FNDC3B: variants seen among roughly 807,000 people sequenced by gnomAD.
FNDC3B encodes the protein fibronectin type III domain-containing protein 3B.
Under a neutral mutation model 151.5 loss-of-function variants are expected in FNDC3B, and 12 were observed. The observed-to-expected ratio is 0.08, with a 90% CI of 0.05 to 0.13. The LOEUF (loss-of-function observed/expected upper bound fraction) is 0.13, where lower values mean the gene tolerates loss of function less well. FNDC3B is among the 10% of genes least tolerant of loss of function. The pLI is 1.00. For synonymous variants in FNDC3B, 528 were observed against 549.0 expected, an observed-to-expected ratio of 0.96 and a Z score of 0.54; for missense variants, 1,214 against 1,505.3, an observed-to-expected ratio of 0.81 and a Z score of 3.20.
chr3:172,355,539 G>A (rs879391970), intron 22 of FNDC3B, among the ~76,000 whole-genome samples: 1 of 152,100 alleles, frequency 6.6e-6, no homozygotes, highest in East Asian at 1.9e-4. Context: ...AGCACTTGGT[G>A]CTTTAATTAG....
At chr3:172,272,941 C>G (rs555190144) in intron 6 of FNDC3B, among the ~76,000 whole-genome samples, 1 of 152,210 alleles carries the variant, frequency 6.6e-6, no homozygotes, top group Non-Finnish European at 1.5e-5. Flanking sequence ...ATTTCACAAT[C>G]TGAGGTAGCT....
At chr3:172,215,496 A>C (rs368982378) in intron 3 of FNDC3B, among the ~76,000 whole-genome samples, 1 of 152,170 alleles carries the variant, frequency 6.6e-6, no homozygotes, top group African/African-American at 2.4e-5. Context: ...GGCCGAGGTG[A>C]GTGGATCACC....
At chr3:172,191,801 G>A (rs374226009) in intron 3 of FNDC3B, among the ~76,000 whole-genome samples, 1 of 152,030 alleles carries the variant, frequency 6.6e-6, no homozygotes, top group Non-Finnish European at 1.5e-5. Flanking sequence ...CTTGTGTCAG[G>A]CACTGTGTAT....
chr3:172,343,980 G>A (rs1733474576), intron 18 of FNDC3B, 106 bp from the exon 19 acceptor site: 2 of 972,564 alleles, frequency 2.1e-6, no homozygotes, highest in East Asian at 2.5e-5. Flanking sequence ...AGATACTGAG[G>A]CCGGCCACCT....
At chr3:172,043,967 C>G (rs1716231024) in intron 1 of FNDC3B, among the ~76,000 whole-genome samples, 1 of 152,198 alleles carries the variant, frequency 6.6e-6, no homozygotes, top group African/African-American at 2.4e-5. Flanking sequence ...TTGGACAGTT[C>G]TTTTCAGACT....
rs1173647719 is a variant in FNDC3B at position 172,242,295 on chromosome 3, T to C, written c.265-5238T>C. On this transcript the variant is annotated intron_variant, in intron 4 of 25. Coordinates refer to ENST00000415807, the MANE Select transcript of FNDC3B (RefSeq NM_022763.4). Reference sequence around the variant, plus strand: ...TACCATTCTGGGATCTGGAGGATGGTAGCCCTCTAGGCAGTGCCCCAGTAG... The same window carrying C: ...TACCATTCTGGGATCTGGAGGATGGCAGCCCTCTAGGCAGTGCCCCAGTAG... 2.6e-5 allele frequency among the ~76,000 whole-genome samples: 4 copies of C among 152,124 alleles called. No individual in the cohort carries two copies. In the East Asian group the frequency reaches 7.7e-4, roughly 29 times the overall value.
intron 3 of FNDC3B, among the ~76,000 whole-genome samples, chr3:172,199,581 T>A (rs1311042885): frequency 1.1e-4 from 17 of 152,258 alleles, no homozygotes; most frequent in Admixed American, 1.1e-3. Context: ...TGGAAACTGC[T>A]ATTTTAAGCA....
At chr3:172,094,618 G>GT (rs1719008905) in intron 1 of FNDC3B, among the ~76,000 whole-genome samples, 2 of 152,156 alleles carry the variant, frequency 1.3e-5, no homozygotes, top group Non-Finnish European at 2.9e-5. Flanking sequence ...TAATGCTGCT[G>GT]TGAATATCTG....
intron 1 of FNDC3B, among the ~76,000 whole-genome samples, chr3:172,044,717 A>G (rs1716279445): frequency 6.6e-6 from 1 of 152,228 alleles, no homozygotes; most frequent in African/African-American, 2.4e-5. Context: ...CATGTTATAA[A>G]TAGAATTATA....
Position 172,221,689 on chromosome 3 carries a change from A to T in FNDC3B, c.188-5182A>T, listed in dbSNP as rs182629843. Among the ~76,000 whole-genome samples the T allele has an allele frequency of 4.6e-3, 654 of 142,648 alleles. 4 individuals carry two copies. Among genetic ancestry groups the T allele is most frequent in the Admixed American group, 7.3e-3 (104 of 14,252 alleles). 93.6% of individuals were successfully genotyped at this position (142,648 alleles called of 152,430 possible). ...GGGATTAATCAGTGTTGAATAATTT[A>T]AAAAAAAAAAAGAATGTCAAGGCTA... On this transcript the variant is annotated intron_variant, in intron 3 of 25. Transcript: ENST00000415807.
intron 6 of FNDC3B, among the ~76,000 whole-genome samples, chr3:172,264,913 C>T (rs1424553982): frequency 6.6e-6 from 1 of 152,154 alleles, no homozygotes; most frequent in Non-Finnish European, 1.5e-5. Flanking sequence ...GCTAGATTGT[C>T]CTTGTCATCT....
At chr3:172,233,215 T>C (rs1397775543) in intron 4 of FNDC3B, among the ~76,000 whole-genome samples, 1 of 152,226 alleles carries the variant, frequency 6.6e-6, no homozygotes, top group South Asian at 2.1e-4. Context: ...TTAAAAAGCA[T>C]ATGAAGAGAA....
At chr3:172,261,384 T>G (rs969526317) in intron 6 of FNDC3B, among the ~76,000 whole-genome samples, 2 of 152,240 alleles carry the variant, frequency 1.3e-5, no homozygotes, top group African/African-American at 4.8e-5. Flanking sequence ...TCTAGGATCT[T>G]TACATAAACT....
rs1249803657 is a variant in FNDC3B at position 172,399,461 on chromosome 3, A to G, written c.*1986A>G. ...CCCAAAAACCATAATCATCTCTTGG[A>G]AGAAAATGCTGAGATCAATGAATTA... On this transcript the variant is annotated 3_prime_UTR_variant, in exon 26 of 26. Coordinates refer to ENST00000415807, the MANE Select transcript of FNDC3B (RefSeq NM_022763.4). The G allele has an allele frequency of 6.6e-6, 1 of 152,644 alleles. No individual in the cohort carries two copies. The highest frequency in any genetic ancestry group is 1.5e-5 in the Non-Finnish European group (1 of 68,048). The allele number at this position is 152,644 out of a possible 1,614,324, so 9.5% of individuals were successfully genotyped here. A position where few individuals can be genotyped will look rare whatever the true frequency, so the allele number is the denominator to read the frequency against.
intron 2 of FNDC3B, among the ~76,000 whole-genome samples, chr3:172,115,240 T>G (rs1397489293): frequency 6.6e-6 from 1 of 152,118 alleles, no homozygotes; most frequent in Non-Finnish European, 1.5e-5. Context: ...GTGTGCGTGG[T>G]AGAGGCTTGG....
intron 1 of FNDC3B, among the ~76,000 whole-genome samples, chr3:172,053,170 G>C (rs1328878269): frequency 6.6e-6 from 1 of 152,100 alleles, no homozygotes; most frequent in Non-Finnish European, 1.5e-5. Flanking sequence ...AAGATATTCT[G>C]TTTTTCTGTA....
At chr3:172,337,620 T>G in intron 16 of FNDC3B, 1 of 483,226 alleles carries the variant, frequency 2.1e-6, no homozygotes, top group Non-Finnish European at 3.7e-6. Context: ...TATTTAACAA[T>G]TTTTCTGTAT....
chr3:172,353,055 A>G lies in FNDC3B; in HGVS notation c.2767A>G (p.Lys923Glu). Residue 923 changes from lysine to glutamate, a missense_variant, in exon 22 of 26, where the codon AAA (lysine) becomes GAA (glutamate). Transcript: ENST00000415807. Reference protein sequence around the residue: ...TVGNTTMHVMKDLLPETTYRI... With the variant: ...TVGNTTMHVMEDLLPETTYRI... The stretch of plus-strand genomic sequence containing the variant: ...GGGCAACACCACCATGCATGTTATG[A>G]AAGATCTCCTTCCAGAAACCACCTA... 6.2e-7 allele frequency: 1 copy of G among 1,614,030 alleles called. No individual in the cohort carries two copies. The highest frequency in any genetic ancestry group is 8.5e-7 in the Non-Finnish European group (1 of 1,179,988).
chr3:172,210,581 C>T (rs1281875241), intron 3 of FNDC3B, among the ~76,000 whole-genome samples: 1 of 152,042 alleles, frequency 6.6e-6, no homozygotes, highest in Non-Finnish European at 1.5e-5. Flanking sequence ...TTCTCAAACT[C>T]CTGACATCAA....
Sources: allele counts gnomAD v4.1 joint callset (sites outside exome capture counted in the v4.1 genomes callset), GRCh38; gene constraint gnomAD v4.1.1; transcripts MANE v1.5; gene names NCBI Gene and HGNC (gene_info 2026-07-23, HGNC 2026-07-21).